AGBL4: variants seen among roughly 807,000 people sequenced by gnomAD.
AGBL4 encodes the protein AGBL carboxypeptidase 4.
Under a neutral mutation model 66.4 loss-of-function variants are expected in AGBL4, and 58 were observed. The observed-to-expected ratio is 0.87, with a 90% confidence interval of 0.71 to 1.09. AGBL4 has a LOEUF of 1.09. AGBL4 is among the 50% of genes least tolerant of loss of function. AGBL4 has a pLI of 0.00. For synonymous variants in AGBL4, 234 were observed against 222.9 expected (o/e 1.05, Z -0.44); for missense variants, 579 against 631.0 (o/e 0.92, Z 0.88).
At chr1:49,948,097 T>C (rs1424788510) in intron 1 of AGBL4, among the ~76,000 whole-genome samples, 1 of 82,592 alleles carries the variant, frequency 1.2e-5, no homozygotes, top group Non-Finnish European at 2.0e-5. Flanking sequence ...TATATGTATA[T>C]GTATATATAT....
intron 3 of AGBL4, among the ~76,000 whole-genome samples, chr1:49,328,108 G>A (rs893982968): frequency 6.6e-6 from 1 of 152,168 alleles, no homozygotes; most frequent in Non-Finnish European, 1.5e-5. Flanking sequence ...AGAGAAATAA[G>A]CCCACGTGTA....
intron 3 of AGBL4, among the ~76,000 whole-genome samples, chr1:49,483,777 C>T (rs912895425): frequency 6.6e-6 from 1 of 151,438 alleles, no homozygotes; most frequent in African/African-American, 2.4e-5. Flanking sequence ...AAAAAAGAAA[C>T]TTATGCACAG....
chr1:49,346,055 A>G (rs1450122363), intron 3 of AGBL4, among the ~76,000 whole-genome samples: 1 of 152,196 alleles, frequency 6.6e-6, no homozygotes, highest in African/African-American at 2.4e-5. Context: ...AAAAGCGCCT[A>G]TATGGCAAAT....
At chr1:49,500,438 T>C (rs1379502912) in intron 3 of AGBL4, among the ~76,000 whole-genome samples, 1 of 151,628 alleles carries the variant, frequency 6.6e-6, no homozygotes, top group Non-Finnish European at 1.5e-5. Flanking sequence ...TGGGTTTTTG[T>C]TCATGAACTC....
At chr1:49,383,210 C>A (rs902808727) in intron 3 of AGBL4, among the ~76,000 whole-genome samples, 2 of 152,118 alleles carry the variant, frequency 1.3e-5, no homozygotes, top group East Asian at 3.8e-4. Flanking sequence ...CTGTACTACT[C>A]AAAGTGACCT....
chr1:49,778,975 T>C (rs1360566039), intron 2 of AGBL4, among the ~76,000 whole-genome samples: 1 of 152,154 alleles, frequency 6.6e-6, no homozygotes, highest in East Asian at 1.9e-4. Flanking sequence ...ATTTAAAAGA[T>C]GCTGCCAGCA....
chr1:49,815,319 T>C lies in AGBL4; in HGVS notation c.157+36077A>G, dbSNP rs117435124. Among the ~76,000 whole-genome samples the C allele has an allele frequency of 5.9e-5, 9 of 152,290 alleles. No individual in the cohort carries two copies. The East Asian group carries it at 1.7e-3, about 29-fold the overall frequency. ...TTATTTCACTTAACACATTGACCTT[T>C]AGTTCCATGTTGTTGCAAATGACAG... On this transcript the variant is annotated intron_variant, in intron 2 of 13. Coordinates refer to ENST00000371839, the MANE Select transcript of AGBL4 (RefSeq NM_032785.4).
intron 5 of AGBL4, among the ~76,000 whole-genome samples, chr1:48,998,275 G>A (rs1571194023): frequency 6.6e-6 from 1 of 152,138 alleles, no homozygotes; most frequent in African/African-American, 2.4e-5. Flanking sequence ...CAAATGCTCT[G>A]TGCTCTCTAC....
intron 4 of AGBL4, among the ~76,000 whole-genome samples, chr1:49,095,141 C>G (rs1645071687): frequency 6.6e-6 from 1 of 152,088 alleles, no homozygotes; most frequent in African/African-American, 2.4e-5. Context: ...TGTGAAGGAC[C>G]TCTTTAAGGA....
At chr1:49,987,187 T>C (rs1659568493) in intron 1 of AGBL4, among the ~76,000 whole-genome samples, 1 of 152,096 alleles carries the variant, frequency 6.6e-6, no homozygotes. Context: ...TAATGCCAAA[T>C]CATTAGAGTA....
At chr1:49,430,430 G>A (rs1012880907) in intron 3 of AGBL4, among the ~76,000 whole-genome samples, 6 of 152,024 alleles carry the variant, frequency 3.9e-5, no homozygotes, top group Non-Finnish European at 7.4e-5. Flanking sequence ...TGAATTCCTT[G>A]AGCATGAGAA....
At chr1:49,673,402 GACTAT>G (rs1480892152) in intron 3 of AGBL4, among the ~76,000 whole-genome samples, 1 of 152,106 alleles carries the variant, frequency 6.6e-6, no homozygotes, top group Non-Finnish European at 1.5e-5. Context: ...ACAATAGGGT[GACTAT>G]AGTCAACAAC....
rs553461843 is a variant in AGBL4 at position 49,881,032 on chromosome 1, C to T, written c.35-29514G>A. ...CCTGCTTAGGCTCGCGCACAGTGCG[C>T]GCACCCACTGGCCTGCGCCCACTGT... On this transcript the variant is annotated intron_variant, in intron 1 of 13. Coordinates refer to ENST00000371839, the MANE Select transcript of AGBL4 (RefSeq NM_032785.4). Among the ~76,000 whole-genome samples the T allele has an allele frequency of 3.5e-3, 530 of 152,194 alleles. 2 individuals are homozygous for T. The highest frequency in any genetic ancestry group is 0.012 in the African/African-American group (493 of 41,494).
At chr1:48,787,655 G>A (rs977265086) in intron 6 of AGBL4, among the ~76,000 whole-genome samples, 1 of 152,144 alleles carries the variant, frequency 6.6e-6, no homozygotes, top group African/African-American at 2.4e-5. Flanking sequence ...GTATTGGGGT[G>A]CAGAATATTA....
chr1:49,766,822 A>G (rs578137831), intron 2 of AGBL4, among the ~76,000 whole-genome samples: 16 of 152,126 alleles, frequency 1.1e-4, no homozygotes, highest in Non-Finnish European at 1.9e-4. Context: ...TAAACTAAAA[A>G]TAGTAAAACA....
At chr1:49,898,459 C>A (rs1473419686) in intron 1 of AGBL4, among the ~76,000 whole-genome samples, 1 of 151,866 alleles carries the variant, frequency 6.6e-6, no homozygotes, top group East Asian at 1.9e-4. Context: ...CAAAGGCAGG[C>A]AATAACAAAC....
chr1:48,971,974 A>T (rs963227743), intron 5 of AGBL4, among the ~76,000 whole-genome samples: 10 of 152,152 alleles, frequency 6.6e-5, no homozygotes, highest in African/African-American at 2.4e-4. Flanking sequence ...TTCTCCATCT[A>T]TGCAGGCCTC....
chr1:49,808,318 C>T (rs1021132055), intron 2 of AGBL4, among the ~76,000 whole-genome samples: 1 of 152,002 alleles, frequency 6.6e-6, no homozygotes, highest in Non-Finnish European at 1.5e-5. Context: ...GTTTGAGTGA[C>T]GGGGTGGATG....
chr1:48,656,160 G>A (rs1183704451), intron 7 of AGBL4, among the ~76,000 whole-genome samples: 1 of 152,234 alleles, frequency 6.6e-6, no homozygotes, highest in Non-Finnish European at 1.5e-5. Context: ...AAGGAAAAGT[G>A]GTAGAGGATT....
Sources: allele counts gnomAD v4.1 joint callset (sites outside exome capture counted in the v4.1 genomes callset), GRCh38; gene constraint gnomAD v4.1.1; transcripts MANE v1.5; gene names NCBI Gene and HGNC (gene_info 2026-07-23, HGNC 2026-07-21).